The following PDIK1L variants were observed in gnomAD, a reference collection of about 807,000 sequenced individuals.
PDIK1L encodes serine/threonine-protein kinase PDIK1L.
Under a neutral mutation model 27.1 loss-of-function variants are expected in PDIK1L, and 9 were observed. The ratio of observed to expected loss-of-function variants is 0.33; its 90% CI spans 0.20 to 0.58. The LOEUF is 0.58. Among genes scored for constraint, PDIK1L ranks in the 20% least tolerant of loss-of-function variants. The probability of loss-of-function intolerance (pLI) is 0.86; values close to 1 mark genes in which losing one functional copy is unlikely to be tolerated. For missense variants in PDIK1L, 216 were observed against 413.2 expected, an observed-to-expected ratio of 0.52 and a Z score of 4.14; for synonymous variants, 130 against 141.7, an observed-to-expected ratio of 0.92 and a Z score of 0.59.
intron 1 of PDIK1L, among the ~76,000 whole-genome samples, chr1:26,113,334 CA>C (rs111424181): frequency 0.17 from 25,005 of 149,828 alleles, 2,242 homozygotes; most frequent in Middle Eastern, 0.23. Flanking sequence ...CTAAAAAATA[CA>C]AAAAAAAATA....
intron 1 of PDIK1L, among the ~76,000 whole-genome samples, chr1:26,113,683 G>C (rs141947974): frequency 8.6e-4 from 131 of 152,146 alleles, no homozygotes; most frequent in African/African-American, 3.0e-3. Flanking sequence ...TCACTTTCAG[G>C]CCTTAAGCAT....
At chr1:26,118,219 G>A (rs2087914233) in intron 2 of PDIK1L, among the ~76,000 whole-genome samples, 1 of 152,272 alleles carries the variant, frequency 6.6e-6, no homozygotes, top group African/African-American at 2.4e-5. Context: ...TACTCAGGAA[G>A]CCGAGGCAGG....
chr1:26,121,851 A>C lies in PDIK1L; in HGVS notation c.300A>C (p.Ser100=). ...CCTTCTTGTAGCTTGTAGAAACTTCATTAAAAGGAGAAATTGCCTTTGATC... is the reference window on the plus strand; with the variant it reads ...CCTTCTTGTAGCTTGTAGAAACTTCCTTAAAAGGAGAAATTGCCTTTGATC... ...SSLYLQLVET[S]LKGEIAFDPR... is the part of the protein sequence containing the mutation. Residue 100 remains serine, a synonymous_variant, in exon 3 of 3, where the codon TCA becomes TCC. Coordinates refer to ENST00000374269, the MANE Select transcript of PDIK1L (RefSeq NM_152835.5). 1 of 1,609,016 alleles carries C rather than the reference A, an allele frequency of 6.2e-7. No individual in the cohort carries two copies. Among genetic ancestry groups the C allele is most frequent in the Non-Finnish European group, 8.5e-7 (1 of 1,177,910 alleles).
At position 26,114,206 on chromosome 1, in the gene PDIK1L, C is replaced by A; in HGVS notation, c.-17-86C>A. The A allele has an allele frequency of 7.6e-7, 1 of 1,319,208 alleles. No homozygotes were observed. Among genetic ancestry groups the A allele is most frequent in the Non-Finnish European group, 1.0e-6 (1 of 972,678 alleles). 81.7% of individuals were successfully genotyped at this position (1,319,208 alleles called of 1,614,324 possible). A position where few individuals can be genotyped will look rare whatever the true frequency, so the allele number is the denominator to read the frequency against. ...CCTTCAAGCACTGCAGACAGTCAGA[C>A]AGATGACAAGTAAATCATACATAAG... On this transcript the variant is annotated intron_variant, in intron 1 of 2. Coordinates refer to ENST00000374269, the MANE Select transcript of PDIK1L (RefSeq NM_152835.5). This position sits in a 1 kb window ranked among gnomAD's most constrained non-coding sequence, Gnocchi z 4.8.
intron 2 of PDIK1L, among the ~76,000 whole-genome samples, chr1:26,120,719 C>T (rs1414561814): frequency 1.3e-5 from 2 of 152,050 alleles, no homozygotes; most frequent in East Asian, 1.9e-4. Context: ...TTTGGGAGGC[C>T]GAGGTGGGCG....
At position 26,114,557 on chromosome 1, in the gene PDIK1L, G is replaced by A; in HGVS notation, c.249G>A (p.Lys83=). The A allele has an allele frequency of 6.2e-7, 1 of 1,614,078 alleles. No homozygotes were observed. The highest frequency in any genetic ancestry group is 8.5e-7 in the Non-Finnish European group (1 of 1,179,980). The change falls in exon 2 of 3, where the codon AAG becomes AAA. Residue 83 remains lysine, a synonymous_variant. Coordinates refer to ENST00000374269, the MANE Select transcript of PDIK1L (RefSeq NM_152835.5). This position sits in a 1 kb window ranked among gnomAD's most constrained non-coding sequence, Gnocchi z 4.8. ...CILQKDGMVQ[K]MSHGSNSSLY... Reference sequence around the variant, plus strand: ...TACAAAAGGATGGGATGGTGCAAAAGATGTCCCACGGCTCTAATTCTTCCC... The same window carrying A: ...TACAAAAGGATGGGATGGTGCAAAAAATGTCCCACGGCTCTAATTCTTCCC...
chr1:26,111,185 G>GCGCCGCCGC (rs1004399727), upstream of PDIK1L: 9 of 157,238 alleles, frequency 5.7e-5, no homozygotes, highest in African/African-American at 1.2e-4. The surrounding 1 kb of genome is among the most constrained non-coding windows in gnomAD (Gnocchi z 4.0). Flanking sequence ...ACCCAGCCCC[G>GCGCCGCCGC]CGCCGCCGCC....
chr1:26,114,844 G>A lies in PDIK1L; in HGVS notation c.285+251G>A. On this transcript the variant is annotated intron_variant, in intron 2 of 2. Coordinates refer to ENST00000374269, the MANE Select transcript of PDIK1L (RefSeq NM_152835.5). The surrounding 1 kb of genome is among the most constrained non-coding windows in gnomAD (Gnocchi z 4.8). Reference sequence around the variant, plus strand: ...GGTACTTGCCAGTCTGCATAGGAATGGGGCAAGATAGGAACTAGAGAGGTG... The same window carrying A: ...GGTACTTGCCAGTCTGCATAGGAATAGGGCAAGATAGGAACTAGAGAGGTG... 6.6e-6 allele frequency among the ~76,000 whole-genome samples: 1 copy of A among 152,204 alleles called. No individual in the cohort carries two copies. Among genetic ancestry groups the A allele is most frequent in the East Asian group, 1.9e-4 (1 of 5,202 alleles).
intron 2 of PDIK1L, 58 bp from the exon 3 acceptor site, chr1:26,121,779 A>G (rs1295855209): frequency 3.4e-6 from 5 of 1,482,762 alleles, no homozygotes; most frequent in Non-Finnish European, 4.5e-6. Flanking sequence ...TTATTTTCCT[A>G]TAACTGAATT....
rs2087851398 is a variant in PDIK1L, at chr1:26,114,675, C to T, written c.285+82C>T. On this transcript the variant is annotated intron_variant, in intron 2 of 2. Transcript: ENST00000374269. This position sits in a 1 kb window ranked among gnomAD's most constrained non-coding sequence, Gnocchi z 4.8. ...AAGAGGAATGAAAGGGTCAGACGAA[C>T]GTTTCCCTTTAAATGCAGGTGTTTG... is the stretch of plus-strand genomic sequence containing the variant. The T allele has an allele frequency of 7.6e-6, 11 of 1,449,324 alleles. No individual in the cohort carries two copies. Among genetic ancestry groups the T allele is most frequent in the Admixed American group, 5.9e-5 (3 of 50,562 alleles). 89.8% of individuals were successfully genotyped at this position (1,449,324 alleles called of 1,614,324 possible). A position where few individuals can be genotyped will look rare whatever the true frequency, so the allele number is the denominator to read the frequency against.
intron 2 of PDIK1L, among the ~76,000 whole-genome samples, chr1:26,118,658 A>G (rs2124472316): frequency 6.6e-6 from 1 of 152,344 alleles, no homozygotes; most frequent in East Asian, 1.9e-4. Context: ...TTGCAGAAAC[A>G]ATACTTGGTA....
At chr1:26,121,379 A>T (rs17184898) in intron 2 of PDIK1L, among the ~76,000 whole-genome samples, 25,179 of 152,202 alleles carry the variant, frequency 0.17, 2,263 homozygotes, top group Middle Eastern at 0.23. Context: ...TTCACAGGTT[A>T]TGTTGATAGT....
chr1:26,114,426 C>G lies in PDIK1L; in HGVS notation c.118C>G (p.Arg40Gly), dbSNP rs1321567899. 6.2e-7 allele frequency: 1 copy of G among 1,613,794 alleles called. No individual in the cohort carries two copies. The highest frequency in any genetic ancestry group is 8.5e-7 in the Non-Finnish European group (1 of 1,179,944). The change falls in exon 2 of 3, where the codon CGA becomes GGA. Residue 40 changes from arginine (R) to glycine (G), a missense_variant. By Grantham distance (125) the Arg-to-Gly change is moderately radical. This residue lies in a region of PDIK1L where 169 missense variants were observed against 366.0 expected (regional missense o/e 0.46). Transcript: ENST00000374269. The surrounding 1 kb of genome is among the most constrained non-coding windows in gnomAD (Gnocchi z 4.8). ...TGCACGGGTGGCAGTGAAGAAAATT[C>G]GATGTCACGCACCTGAAAATGTTGA... Reference protein sequence around the residue: ...TSARVAVKKIRCHAPENVELA... With the variant: ...TSARVAVKKIGCHAPENVELA...
chr1:26,121,298 A>G (rs186505301), intron 2 of PDIK1L, among the ~76,000 whole-genome samples: 1 of 152,320 alleles, frequency 6.6e-6, no homozygotes, highest in Admixed American at 6.5e-5. Context: ...GTCAGTCTTT[A>G]TTTTATTAGT....
rs1308528754 is a variant in PDIK1L, at chr1:26,122,539, G to A, written c.988G>A (p.Val330Ile). Residue 330 changes from valine (V) to isoleucine (I), a missense_variant, in exon 3 of 3, where the codon GTA becomes ATA. Around this residue, in one of 2 missense-constraint regions of PDIK1L, gnomAD observed 169 missense variants for 366.0 expected, o/e 0.46. Transcript: ENST00000374269. The surrounding 1 kb of genome is among the most constrained non-coding windows in gnomAD (Gnocchi z 5.4). ...PDAFELELRL[V>I]QIAFKDSSWE... ...TGCTTTTGAACTAGAACTCAGATTAGTACAAATTGCATTTAAAGATAGCAG... is the reference window on the plus strand; with the variant it reads ...TGCTTTTGAACTAGAACTCAGATTAATACAAATTGCATTTAAAGATAGCAG... The A allele has an allele frequency of 1.9e-5, 31 of 1,609,134 alleles. No individual in the cohort carries two copies. Among genetic ancestry groups the A allele is most frequent in the Non-Finnish European group, 2.6e-5 (31 of 1,177,460 alleles).
rs1485390204 is a variant in PDIK1L at position 26,124,341 on chromosome 1, A to AAT, written c.*1765_*1766dup. On this transcript the variant is annotated 3_prime_UTR_variant, in exon 3 of 3. Coordinates refer to ENST00000374269, the MANE Select transcript of PDIK1L (RefSeq NM_152835.5). ...TCACTTTTAAGCTAATAAATATAAGAATTCTTTTGGAAATTAGAGGTGGAA... is the reference window on the plus strand; with the variant it reads ...TCACTTTTAAGCTAATAAATATAAGAATATTCTTTTGGAAATTAGAGGTGGAA... 6.6e-6 allele frequency: 1 copy of AAT among 152,158 alleles called. No homozygotes were observed. Among genetic ancestry groups the AAT allele is most frequent in the African/African-American group, 2.4e-5 (1 of 41,440 alleles). The allele number at this position is 152,158 out of a possible 1,614,324, so 9.4% of individuals were successfully genotyped here.
chr1:26,118,460 C>T (rs1045003289), intron 2 of PDIK1L, among the ~76,000 whole-genome samples: 2 of 152,184 alleles, frequency 1.3e-5, no homozygotes, highest in Non-Finnish European at 2.9e-5. Flanking sequence ...ATATCTAAAG[C>T]ACCTTTTTGT....
chr1:26,113,514 A>AG (rs1306517977), intron 1 of PDIK1L, among the ~76,000 whole-genome samples: 5 of 151,406 alleles, frequency 3.3e-5, no homozygotes, highest in African/African-American at 7.3e-5. Flanking sequence ...AAAAAAAAAA[A>AG]AAAAAGAAAC....
intron 1 of PDIK1L, among the ~76,000 whole-genome samples, chr1:26,113,498 T>TAA (rs67443362): frequency 1.7e-3 from 157 of 91,020 alleles, no homozygotes; most frequent in East Asian, 2.5e-3. Flanking sequence ...AGACTCCGTC[T>TAA]AAAAAAAAAA....
Sources: allele counts gnomAD v4.1 joint callset (sites outside exome capture counted in the v4.1 genomes callset), GRCh38; gene constraint gnomAD v4.1.1; regional missense constraint gnomAD v4.1.1; non-coding constraint Gnocchi (gnomAD v3.1); transcripts MANE v1.5; gene names NCBI Gene and HGNC (gene_info 2026-07-23, HGNC 2026-07-21).